The following RGPD5 variants were observed in gnomAD, a reference collection of about 807,000 sequenced individuals.
RGPD5 encodes RANBP2-like and GRIP domain-containing protein 5/6.
the RGPD5 span, among the ~76,000 whole-genome samples, chr2:109,765,673 A>G: frequency 2.0e-5 from 3 of 150,494 alleles, no homozygotes; most frequent in Non-Finnish European, 4.4e-5. Flanking sequence ...GTGAATAGAA[A>G]CATGGAGGGA....
the RGPD5 span, among the ~76,000 whole-genome samples, chr2:109,774,990 TG>T: frequency 1.2e-5 from 1 of 81,932 alleles, no homozygotes; most frequent in South Asian, 5.0e-4. Flanking sequence ...CATCTGAAAT[TG>T]TAAGGTGATT....
chr2:109,761,664 A>G, the RGPD5 span, among the ~76,000 whole-genome samples: 1 of 144,288 alleles, frequency 6.9e-6, no homozygotes, highest in Non-Finnish European at 1.5e-5. Flanking sequence ...ACCCGCCACT[A>G]TCTCTTAAAT....
At chr2:109,760,693 C>T in the RGPD5 span, among the ~76,000 whole-genome samples, 2 of 145,834 alleles carry the variant, frequency 1.4e-5, no homozygotes, top group Non-Finnish European at 3.0e-5. Context: ...GCGGTAGCGG[C>T]GGCGGCGACG....
the RGPD5 span, among the ~76,000 whole-genome samples, chr2:109,764,520 G>C: frequency 6.7e-6 from 1 of 149,834 alleles, no homozygotes; most frequent in Non-Finnish European, 1.5e-5. Context: ...GCAAGGATGA[G>C]TAAGGCGTAG....
At chr2:109,760,999 G>A in the RGPD5 span, among the ~76,000 whole-genome samples, 1 of 135,316 alleles carries the variant, frequency 7.4e-6, no homozygotes, top group Middle Eastern at 3.6e-3. Context: ...GCGGCGGCCC[G>A]CCCCAGCCCA....
At chr2:109,760,869 C>T in the RGPD5 span, among the ~76,000 whole-genome samples, 2 of 114,566 alleles carry the variant, frequency 1.7e-5, no homozygotes, top group African/African-American at 3.4e-5. Flanking sequence ...TCCGGGCGGC[C>T]GGCCGCCGTG....
the RGPD5 span, among the ~76,000 whole-genome samples, chr2:109,771,029 T>C: frequency 1.4e-3 from 1 of 716 alleles, no homozygotes; most frequent in Non-Finnish European, 2.7e-3. Flanking sequence ...AAAAGTCGTC[T>C]ACAAAACTGG....
At chr2:109,764,536 A>G in the RGPD5 span, among the ~76,000 whole-genome samples, 1 of 150,024 alleles carries the variant, frequency 6.7e-6, no homozygotes, top group Admixed American at 6.8e-5. Flanking sequence ...CGTAGGTTGT[A>G]CATATTAGTG....
intron 1 of RGPD5, among the ~76,000 whole-genome samples, chr2:109,799,294 C>T (rs1417958837): frequency 8.3e-6 from 1 of 120,658 alleles, no homozygotes; most frequent in Non-Finnish European, 1.6e-5. Context: ...ATGTGCTGTC[C>T]TGACTGTTGT....
At chr2:109,777,529 CT>C in the RGPD5 span, among the ~76,000 whole-genome samples, 1 of 126,908 alleles carries the variant, frequency 7.9e-6, no homozygotes, top group Non-Finnish European at 1.7e-5. Context: ...TGCCTATTTT[CT>C]TCTTTGATAA....
chr2:109,766,235 C>T, the RGPD5 span, among the ~76,000 whole-genome samples: 1 of 151,256 alleles, frequency 6.6e-6, no homozygotes, highest in Non-Finnish European at 1.5e-5. Flanking sequence ...AGGGCTAGGG[C>T]TGTGGGCAGC....
At chr2:109,778,544 C>A in the RGPD5 span, among the ~76,000 whole-genome samples, 2 of 149,636 alleles carry the variant, frequency 1.3e-5, 1 homozygote, top group East Asian at 3.9e-4. Flanking sequence ...AGTAGAATAA[C>A]CTTGGTAATA....
At chr2:109,777,375 TTAA>T in the RGPD5 span, among the ~76,000 whole-genome samples, 4 of 145,996 alleles carry the variant, frequency 2.7e-5, no homozygotes, top group Non-Finnish European at 6.0e-5. Context: ...TTTATATACT[TTAA>T]TACATTGACT....
At chr2:109,765,295 A>G in the RGPD5 span, among the ~76,000 whole-genome samples, 21 of 147,770 alleles carry the variant, frequency 1.4e-4, no homozygotes, top group Middle Eastern at 3.4e-3. Context: ...TTGAACATGC[A>G]TACACGTAAG....
chr2:109,766,695 A>G, the RGPD5 span, among the ~76,000 whole-genome samples: 1 of 130,126 alleles, frequency 7.7e-6, no homozygotes, highest in Non-Finnish European at 1.6e-5. Context: ...CTTAATACAG[A>G]TTAATAGGCA....
chr2:109,766,698 A>T, the RGPD5 span, among the ~76,000 whole-genome samples: 1 of 124,524 alleles, frequency 8.0e-6, no homozygotes, highest in Non-Finnish European at 1.6e-5. Context: ...AATACAGATT[A>T]ATAGGCAAAT....
At chr2:109,767,143 C>T in the RGPD5 span, among the ~76,000 whole-genome samples, 2 of 141,740 alleles carry the variant, frequency 1.4e-5, no homozygotes, top group African/African-American at 5.2e-5. Context: ...GTCAATTGCT[C>T]TGAATGCCAA....
the RGPD5 span, among the ~76,000 whole-genome samples, chr2:109,774,504 ATATATATATAATATATATTATATATAT>A: frequency 4.1e-5 from 1 of 24,344 alleles, no homozygotes; most frequent in African/African-American, 3.1e-4. Context: ...ACAAACATAT[ATATATATATAATATATATTATATATAT>A]TATATATAAA....
chr2:109,772,413 TAAAG>T, the RGPD5 span, among the ~76,000 whole-genome samples: 162 of 120,878 alleles, frequency 1.3e-3, 10 homozygotes, highest in African/African-American at 2.3e-3. Context: ...ATTGCAGTCT[TAAAG>T]GAAGGATAAG....
Sources: allele counts gnomAD v4.1 joint callset (sites outside exome capture counted in the v4.1 genomes callset), GRCh38; gene constraint gnomAD v4.1.1; transcripts MANE v1.5; gene names NCBI Gene and HGNC (gene_info 2026-07-23, HGNC 2026-07-21).